MAP3K13: variants seen among roughly 807,000 people sequenced by gnomAD.
MAP3K13 encodes leucine zipper-bearing kinase.
A neutral mutation model predicts 104.0 loss-of-function variants in MAP3K13; 52 were observed. The observed-to-expected ratio is 0.50, with a 90% CI of 0.40 to 0.63. The LOEUF (loss-of-function observed/expected upper bound fraction) is 0.63, where lower values mean the gene tolerates loss of function less well. MAP3K13 is among the 20% of genes least tolerant of loss of function. The pLI, the probability that MAP3K13 is intolerant of heterozygous loss-of-function variation, is 0.00. For synonymous variants in MAP3K13, 394 were observed against 442.2 expected (o/e 0.89, Z 1.37); for missense variants, 914 against 1,218.5 (o/e 0.75, Z 3.72).
At chr3:185,410,469 T>C (rs1173506644) in intron 1 of MAP3K13, among the ~76,000 whole-genome samples, 1 of 151,976 alleles carries the variant, frequency 6.6e-6, no homozygotes, top group Non-Finnish European at 1.5e-5. Flanking sequence ...ATAATATATA[T>C]TCCCAAATAG....
chr3:185,361,850 G>A (rs1723641543), upstream of MAP3K13, among the ~76,000 whole-genome samples: 1 of 152,208 alleles, frequency 6.6e-6, no homozygotes, highest in South Asian at 2.1e-4. Flanking sequence ...CTTTAGAGAA[G>A]TTTGTTAACT....
intron 6 of MAP3K13, among the ~76,000 whole-genome samples, chr3:185,451,073 G>C (rs1715854549): frequency 6.6e-6 from 1 of 152,182 alleles, no homozygotes; most frequent in South Asian, 2.1e-4. Flanking sequence ...CTGAGTGACA[G>C]AGCGAGACTC....
chr3:185,417,079 TAAAAG>T (rs1420697650), intron 1 of MAP3K13, among the ~76,000 whole-genome samples: 1 of 152,066 alleles, frequency 6.6e-6, no homozygotes, highest in Admixed American at 6.5e-5. Flanking sequence ...GGTTACAAAA[TAAAAG>T]GAAAAGAAAA....
chr3:185,383,561 CAAAAAA>C (rs34255859), intron 1 of MAP3K13, among the ~76,000 whole-genome samples: 1 of 91,254 alleles, frequency 1.1e-5, no homozygotes. Flanking sequence ...GACTCTGTCT[CAAAAAA>C]AAAAAAAAAA....
intron 1 of MAP3K13, among the ~76,000 whole-genome samples, chr3:185,393,948 G>A (rs558257076): frequency 6.6e-6 from 1 of 152,264 alleles, no homozygotes; most frequent in South Asian, 2.1e-4. Flanking sequence ...AATTGGATGT[G>A]ATGACGGTTA....
chr3:185,467,675 C>T (rs187058829), intron 10 of MAP3K13, among the ~76,000 whole-genome samples: 3 of 150,856 alleles, frequency 2.0e-5, no homozygotes, highest in East Asian at 3.9e-4. Context: ...CCCAGCTACT[C>T]GGGAGGCTGA....
intron 2 of MAP3K13, among the ~76,000 whole-genome samples, chr3:185,431,100 C>T (rs1257773860): frequency 2.0e-5 from 3 of 152,130 alleles, no homozygotes; most frequent in African/African-American, 7.2e-5. Context: ...CTCACTATCA[C>T]CAGAACAGCA....
At chr3:185,466,369 C>CTTTTTTTTT (rs59523963) in intron 9 of MAP3K13, among the ~76,000 whole-genome samples, 3 of 85,316 alleles carry the variant, frequency 3.5e-5, no homozygotes, top group Non-Finnish European at 6.6e-5. Context: ...TTAGTATTTC[C>CTTTTTTTTT]TTTTTTTTTT....
At chr3:185,307,907 CTTTA>C (rs1272073510) in intron 2 of MAP3K13, among the ~76,000 whole-genome samples, 2 of 151,468 alleles carry the variant, frequency 1.3e-5, no homozygotes, top group Non-Finnish European at 2.9e-5. Flanking sequence ...TCCTGACTTC[CTTTA>C]TTTGTCTATC....
At chr3:185,375,179 G>T (rs996847651) in intron 1 of MAP3K13, among the ~76,000 whole-genome samples, 1 of 152,156 alleles carries the variant, frequency 6.6e-6, no homozygotes, top group Non-Finnish European at 1.5e-5. Context: ...GGGAAGAAAT[G>T]ACTGCAGTGG....
At chr3:185,291,549 A>T in intron 2 of MAP3K13, 7 of 1,423,902 alleles carry the variant, frequency 4.9e-6, no homozygotes, top group Non-Finnish European at 6.5e-6. Context: ...GTAGTTTTTA[A>T]TTTCCCTTAA....
At chr3:185,381,238 A>AG in intron 1 of MAP3K13, among the ~76,000 whole-genome samples, 1 of 152,356 alleles carries the variant, frequency 6.6e-6, no homozygotes, top group African/African-American at 2.4e-5. Context: ...CTAGGATTAC[A>AG]GGCATGAGCC....
At chr3:185,354,132 C>T (rs1190233684) in intron 2 of MAP3K13, among the ~76,000 whole-genome samples, 1 of 151,982 alleles carries the variant, frequency 6.6e-6, no homozygotes, top group African/African-American at 2.4e-5. Context: ...TTGGCCTTGA[C>T]TCAGCCTCAC....
chr3:185,376,516 T>C (rs1268887998), intron 1 of MAP3K13, among the ~76,000 whole-genome samples: 2 of 152,094 alleles, frequency 1.3e-5, no homozygotes, highest in African/African-American at 2.4e-5. Flanking sequence ...CACACAGCCC[T>C]GCACTTCGGC....
intron 1 of MAP3K13, among the ~76,000 whole-genome samples, chr3:185,415,109 C>A (rs994492975): frequency 6.6e-6 from 1 of 152,158 alleles, no homozygotes; most frequent in Admixed American, 6.5e-5. Context: ...AAGCAGCACA[C>A]TATCCATCAC....
intron 2 of MAP3K13, among the ~76,000 whole-genome samples, chr3:185,432,973 G>T (rs1261429751): frequency 6.6e-6 from 1 of 152,140 alleles, no homozygotes; most frequent in African/African-American, 2.4e-5. Flanking sequence ...TGGGATCAGG[G>T]AGCCAATCTT....
chr3:185,428,480 C>T lies in MAP3K13; in HGVS notation c.-85-17C>T. The stretch of plus-strand genomic sequence containing the variant: ...TAAAGAAAGGATGATCTCTTATCTC[C>T]CTCCTGTTTTTCTCAGGTTTTGGAG... On this transcript the variant is annotated splice_polypyrimidine_tract_variant and intron_variant, in intron 1 of 13. Coordinates refer to ENST00000265026, the MANE Select transcript of MAP3K13 (RefSeq NM_004721.5). 6.9e-7 allele frequency: 1 copy of T among 1,449,084 alleles called. No homozygotes were observed. The allele number at this position is 1,449,084 out of a possible 1,614,324, so 89.8% of individuals were successfully genotyped here.
At chr3:185,376,815 G>C (rs930465204) in intron 1 of MAP3K13, among the ~76,000 whole-genome samples, 1 of 152,070 alleles carries the variant, frequency 6.6e-6, no homozygotes, top group African/African-American at 2.4e-5. Context: ...GAGCACGTGT[G>C]TTTTCATGCA....
intron 7 of MAP3K13, among the ~76,000 whole-genome samples, chr3:185,451,828 T>C (rs1160420174): frequency 6.7e-6 from 1 of 149,584 alleles, no homozygotes; most frequent in African/African-American, 2.5e-5. Context: ...GATCATGCCA[T>C]TGTACTCCAG....
Sources: allele counts gnomAD v4.1 joint callset (sites outside exome capture counted in the v4.1 genomes callset), GRCh38; gene constraint gnomAD v4.1.1; transcripts MANE v1.5; gene names NCBI Gene and HGNC (gene_info 2026-07-23, HGNC 2026-07-21).